The following ROS1 variants were observed in gnomAD, a reference collection of about 807,000 sequenced individuals.
ROS1 encodes the protein ROS proto-oncogene 1, receptor tyrosine kinase.
In ROS1, 263 loss-of-function variants were observed where a neutral mutation model predicts 273.5. The observed-to-expected ratio is 0.96, with a 90% CI of 0.87 to 1.06. The LOEUF (loss-of-function observed/expected upper bound fraction) is 1.06. Ranked by LOEUF, ROS1 falls within the 50% of genes least tolerant of loss-of-function variation. The pLI, the probability that ROS1 is intolerant of heterozygous loss-of-function variation, is 0.00. For synonymous variants in ROS1, 1,008 were observed against 954.1 expected, an observed-to-expected ratio of 1.06 and a Z score of -1.04; for missense variants, 2,833 against 2,751.1, an observed-to-expected ratio of 1.03 and a Z score of -0.67.
In ROS1 at chr6:117,394,669, A is replaced by G; in HGVS notation, c.953T>C (p.Leu318Ser). 1 of 1,611,802 alleles carries G rather than the reference A, an allele frequency of 6.2e-7. No homozygotes were observed. Among genetic ancestry groups the G allele is most frequent in the South Asian group, 1.1e-5 (1 of 90,914 alleles). The change falls in exon 10 of 44, where the codon TTA becomes TCA. Residue 318 changes from leucine to serine, a missense_variant. By Grantham distance (145) the Leu-to-Ser change is moderately radical. Coordinates refer to ENST00000368507, the MANE Select transcript of ROS1 (RefSeq NM_001378902.1). ...CCGAAGGCAATGTGCTTCATCTACT[A>G]AATGTTTTAAAGATCTCTTTCTTAG... Reference protein sequence around the residue: ...TSLRKRSLKHLVDEAHCLRLD... With the variant: ...TSLRKRSLKHSVDEAHCLRLD...
chr6:117,300,150 A>T (rs866274192), intron 43 of ROS1, among the ~76,000 whole-genome samples: 3 of 119,666 alleles, frequency 2.5e-5, no homozygotes, highest in South Asian at 2.7e-4. Flanking sequence ...ATGGGGTTTC[A>T]CTGTGTTAGC....
At chr6:117,393,599 T>C (rs1773247203) in intron 11 of ROS1, among the ~76,000 whole-genome samples, 2 of 152,234 alleles carry the variant, frequency 1.3e-5, no homozygotes, top group Non-Finnish European at 1.5e-5. Flanking sequence ...TCTAGGTTTA[T>C]GCACTTTCAA....
chr6:117,323,783 T>A (rs187404341), intron 35 of ROS1, among the ~76,000 whole-genome samples: 4 of 152,234 alleles, frequency 2.6e-5, no homozygotes, highest in Admixed American at 2.6e-4. Context: ...TGGTCATTTA[T>A]AAATGAGCAG....
Position 117,358,008 on chromosome 6 carries a change from A to C in ROS1, c.3635T>G (p.Leu1212Arg). ...LHLHNRSSSE[L>R]FQDSLVFDIT... ...ATCAAAAACCAGTGAATCTTGGAAA[A>C]GCTTAACAACAGGTAGAGAACACAG... is the stretch of plus-strand genomic sequence containing the variant. Residue 1212 changes from leucine to arginine, a missense_variant and splice_region_variant, in exon 25 of 44, where the codon CTT becomes CGT. Coordinates refer to ENST00000368507, the MANE Select transcript of ROS1 (RefSeq NM_001378902.1). 1 of 1,609,906 alleles carries C rather than the reference A, an allele frequency of 6.2e-7. No individual in the cohort carries two copies. The highest frequency in any genetic ancestry group is 8.5e-7 in the Non-Finnish European group (1 of 1,176,642).
chr6:117,407,567 A>C (rs1774518803), intron 5 of ROS1, among the ~76,000 whole-genome samples: 1 of 152,158 alleles, frequency 6.6e-6, no homozygotes, highest in African/African-American at 2.4e-5. Context: ...TCTATAGGAT[A>C]ACTTTTAGCT....
chr6:117,308,235 C>T (rs1196337351), intron 42 of ROS1, among the ~76,000 whole-genome samples: 1 of 152,064 alleles, frequency 6.6e-6, no homozygotes, highest in Non-Finnish European at 1.5e-5. Flanking sequence ...TATTGGAATT[C>T]AATAATGGCC....
chr6:117,373,571 C>T (rs529616934), intron 18 of ROS1, among the ~76,000 whole-genome samples: 86 of 152,332 alleles, frequency 5.6e-4, no homozygotes, highest in African/African-American at 1.9e-3. Context: ...ACTGGCCAGC[C>T]GCTCTGAGTG....
chr6:117,411,941 C>A (rs1341283390), intron 4 of ROS1, among the ~76,000 whole-genome samples: 1 of 152,140 alleles, frequency 6.6e-6, no homozygotes, highest in Non-Finnish European at 1.5e-5. Flanking sequence ...GTCAAAGGCA[C>A]AGGTATAACT....
At chr6:117,355,412 A>C (rs1382223805) in intron 26 of ROS1, among the ~76,000 whole-genome samples, 1 of 152,150 alleles carries the variant, frequency 6.6e-6, no homozygotes, top group Non-Finnish European at 1.5e-5. Flanking sequence ...AAACCTATAT[A>C]CAATTATAAC....
intron 35 of ROS1, among the ~76,000 whole-genome samples, chr6:117,321,953 T>C (rs1333796883): frequency 3.3e-5 from 5 of 151,534 alleles, no homozygotes; most frequent in African/African-American, 1.2e-4. Flanking sequence ...TGGTCTGCCC[T>C]AGTTGTAGAA....
At chr6:117,387,406 T>C (rs1263205664) in intron 14 of ROS1, among the ~76,000 whole-genome samples, 3 of 152,212 alleles carry the variant, frequency 2.0e-5, no homozygotes, top group African/African-American at 4.8e-5. Flanking sequence ...GCCAAGAGGA[T>C]GGAATTCAGC....
At chr6:117,416,385 G>A in intron 2 of ROS1, 68 bp from the exon 3 acceptor site, 1 of 985,994 alleles carries the variant, frequency 1.0e-6, no homozygotes, top group Non-Finnish European at 1.6e-6. Context: ...TCACCTGAAA[G>A]TACAATGTAG....
intron 24 of ROS1, among the ~76,000 whole-genome samples, chr6:117,358,335 T>C (rs1395249910): frequency 2.0e-5 from 3 of 152,162 alleles, no homozygotes; most frequent in East Asian, 1.9e-4. Flanking sequence ...ACAGACTTCA[T>C]CACCCACCCC....
rs192732150 is a variant in ROS1 at position 117,315,626 on chromosome 6, G to A, written c.6117+1517C>T. 3.7e-3 allele frequency among the ~76,000 whole-genome samples: 559 copies of A among 152,188 alleles called. 1 individual carries two copies. Among genetic ancestry groups the A allele is most frequent in the Non-Finnish European group, 5.3e-3 (360 of 67,996 alleles). ...ACCAAATTATCAACCAAGTGTGAGG[G>A]AAGAATAAAGGACGTTTTCTCAAAA... On this transcript the variant is annotated intron_variant, in intron 39 of 43. Coordinates refer to ENST00000368507, the MANE Select transcript of ROS1 (RefSeq NM_001378902.1).
chr6:117,404,192 G>A (rs912880750), intron 6 of ROS1, 88 bp downstream of exon 6: 11 of 1,273,786 alleles, frequency 8.6e-6, no homozygotes, highest in African/African-American at 3.0e-5. Flanking sequence ...CTGCACTCCA[G>A]CCTGGGCGAC....
At chr6:117,419,579 G>T (rs185893046) in intron 1 of ROS1, among the ~76,000 whole-genome samples, 1 of 152,122 alleles carries the variant, frequency 6.6e-6, no homozygotes, top group African/African-American at 2.4e-5. Flanking sequence ...TTTTGCAACC[G>T]AGTGCTTAAT....
At position 117,394,166 on chromosome 6, in the gene ROS1, T is replaced by C. The variant is rs750137132; in HGVS notation, c.1187A>G (p.Glu396Gly). The C allele has an allele frequency of 5.7e-6, 9 of 1,582,618 alleles. No individual in the cohort carries two copies. In the South Asian group the frequency reaches 1.1e-4, roughly 18 times the overall value. The change falls in exon 11 of 44, where the codon GAA becomes GGA. Residue 396 changes from glutamate to glycine, a missense_variant. Glu to Gly is a moderately conservative substitution (Grantham distance 98). Transcript: ENST00000368507. ...LYQRMYFIMD[E>G]LVCVCDLENC... ...TCTTTAACTTCTCGGACTAACCAGT[T>C]CATCCATGATGAAATACATTCTTTG...
In ROS1 at chr6:117,342,071, T is replaced by C. The variant is rs145583033; in HGVS notation, c.4651+329A>G. ...ATAGAAAAAAAGCTTGGTTTTTCTA[T>C]AGCTCACCACATGTACAGAAACCTA... On this transcript the variant is annotated intron_variant, in intron 29 of 43. Coordinates refer to ENST00000368507, the MANE Select transcript of ROS1 (RefSeq NM_001378902.1). Among the ~76,000 whole-genome samples the C allele has an allele frequency of 8.8e-3, 1,344 of 152,298 alleles. 14 individuals are homozygous for C. The highest frequency in any genetic ancestry group is 0.016 in the Non-Finnish European group (1,055 of 68,020).
chr6:117,377,478 C>T (rs570010166), intron 18 of ROS1, among the ~76,000 whole-genome samples: 4 of 151,984 alleles, frequency 2.6e-5, no homozygotes, highest in East Asian at 1.9e-4. Context: ...CAGCAAATGG[C>T]GCTAGAACAA....
Sources: allele counts gnomAD v4.1 joint callset (sites outside exome capture counted in the v4.1 genomes callset), GRCh38; gene constraint gnomAD v4.1.1; transcripts MANE v1.5; gene names NCBI Gene and HGNC (gene_info 2026-07-23, HGNC 2026-07-21).